LILRB3: variants seen among roughly 807,000 people sequenced by gnomAD.
LILRB3 encodes the protein leukocyte immunoglobulin like receptor B3.
Under a neutral mutation model 68.2 loss-of-function variants are expected in LILRB3, and 32 were observed. The observed-to-expected ratio is 0.47, with a 90% CI of 0.35 to 0.63. The LOEUF (loss-of-function observed/expected upper bound fraction) is 0.63, where lower values mean the gene tolerates loss of function less well. LILRB3 is among the 30% of genes least tolerant of loss of function. The pLI, the probability that LILRB3 is intolerant of heterozygous loss-of-function variation, is 0.00. For missense variants in LILRB3, 502 were observed against 791.3 expected (o/e 0.63, Z 4.39); for synonymous variants, 185 against 323.1 (o/e 0.57, Z 4.58).
At chr19:54,218,607 T>A (rs1285280554) in intron 10 of LILRB3, 38 bp downstream of exon 10, 5 of 1,613,914 alleles carry the variant, frequency 3.1e-6, no homozygotes, top group Non-Finnish European at 4.2e-6. Flanking sequence ...GACTCCTGTC[T>A]CTCCAGCACC....
At chr19:54,219,368 A>C in intron 7 of LILRB3, 123 bp from the exon 8 acceptor site, 3 of 1,462,782 alleles carry the variant, frequency 2.1e-6, no homozygotes, top group Non-Finnish European at 2.8e-6. Flanking sequence ...GCAACATGGA[A>C]TTGCCACCCG....
chr19:54,220,119 G>A (rs1254987302), intron 7 of LILRB3, 36 bp downstream of exon 7: 9 of 1,508,752 alleles, frequency 6.0e-6, no homozygotes, highest in Admixed American at 2.1e-5. Flanking sequence ...CTGCCCTGGG[G>A]GAGGCGGCGC....
chr19:54,218,741 G>A, intron 9 of LILRB3, 22 bp downstream of exon 9: 1 of 1,614,136 alleles, frequency 6.2e-7, no homozygotes. Context: ...GTGGGAGTCT[G>A]TGGTCTTTGG....
At chr19:54,218,836 G>T in exon 9 of LILRB3, 1 of 1,613,900 alleles carries the variant, frequency 6.2e-7, no homozygotes, top group Non-Finnish European at 8.5e-7. Context: ...GTCTTTCTCT[G>T]GTCTGGGTGA....
exon 3 of LILRB3, chr19:54,222,457 T>A: frequency 6.6e-7 from 1 of 1,523,242 alleles, no homozygotes; most frequent in South Asian, 1.1e-5. Context: ...TTTATCCAGT[T>A]GGTACTCCTG....
chr19:54,218,663 C>T lies in LILRB3; in HGVS notation c.1522G>A (p.Val508Ile), dbSNP rs372186200. The change falls in exon 10 of 13, where the codon GTC (valine) becomes ATC (isoleucine). Residue 508 changes from valine to isoleucine, a missense_variant. Physicochemically the swap from Val to Ile is conservative, Grantham distance 29. This residue lies in a region of LILRB3 where 267 missense variants were observed against 245.5 expected (regional missense o/e 1.09). Transcript: ENST00000445347. Reference sequence around the variant, plus strand: ...CTCTTACAGAGGTTTTCTTCCTGGACGTCAGCAGCTGGGCTGGACCTGGAG... The same window carrying T: ...CTCTTACAGAGGTTTTCTTCCTGGATGTCAGCAGCTGGGCTGGACCTGGAG... 35 of 1,614,048 alleles carry T rather than the reference C, an allele frequency of 2.2e-5. No homozygotes were observed. The highest frequency in any genetic ancestry group is 1.6e-4 in the Middle Eastern group (1 of 6,082).
chr19:54,219,431 G>T, intron 7 of LILRB3, 186 bp from the exon 8 acceptor site: 1 of 1,511,838 alleles, frequency 6.6e-7, no homozygotes, highest in South Asian at 1.2e-5. Context: ...GGAGTCGCCT[G>T]CCCCAGGCCT....
rs1265702000 is a variant in LILRB3, at chr19:54,219,520, C to T, written c.1310-275G>A. On this transcript the variant is annotated intron_variant, in intron 7 of 12. Transcript: ENST00000445347. ...CCTTGTTCCTGCACCAGAGCCGAGACCCGGAGCTGCAGGGAAAGAGCCTGA... is the reference window on the plus strand; with the variant it reads ...CCTTGTTCCTGCACCAGAGCCGAGATCCGGAGCTGCAGGGAAAGAGCCTGA... 6 of 1,550,274 alleles carry T rather than the reference C, an allele frequency of 3.9e-6. No individual in the cohort carries two copies. In the Admixed American group the frequency reaches 5.9e-5, roughly 15 times the overall value.
At chr19:54,219,831 G>A (rs1183991269) in intron 7 of LILRB3, 2 of 1,536,402 alleles carry the variant, frequency 1.3e-6, no homozygotes, top group Middle Eastern at 1.7e-4. Context: ...TGCCTCCCCT[G>A]GACCCCGCCC....
intron 7 of LILRB3, chr19:54,219,587 T>C: frequency 1.3e-6 from 2 of 1,546,168 alleles, no homozygotes; most frequent in Non-Finnish European, 8.7e-7. Flanking sequence ...CTGCCCCAGG[T>C]CACCGTCACT....
chr19:54,219,627 G>A (rs2077881756), intron 7 of LILRB3: 15 of 1,514,440 alleles, frequency 9.9e-6, no homozygotes, highest in Middle Eastern at 2.3e-4. Flanking sequence ...AGGCCCCTGT[G>A]GAATCGGGTC....
chr19:54,222,736 G>C lies in LILRB3; in HGVS notation c.70+11C>G. On this transcript the variant is annotated intron_variant, in intron 2 of 12. Coordinates refer to ENST00000445347, the Ensembl canonical transcript of LILRB3. The stretch of plus-strand genomic sequence containing the variant: ...GGAGTAGGGACCTGGGACAGCTGGG[G>C]ACAGACTCACCTGCCTGCATGCGGG... 6 of 1,612,578 alleles carry C rather than the reference G, an allele frequency of 3.7e-6. No individual in the cohort carries two copies. Among genetic ancestry groups the C allele is most frequent in the Non-Finnish European group, 5.1e-6 (6 of 1,179,874 alleles).
At chr19:54,222,630 A>C in intron 2 of LILRB3, 68 bp from the exon 3 acceptor site, 1 of 1,611,676 alleles carries the variant, frequency 6.2e-7, no homozygotes, top group Non-Finnish European at 8.5e-7. Flanking sequence ...CAGCCCCAGG[A>C]CTTCCCCATC....
chr19:54,221,653 G>C, intron 4 of LILRB3, 175 bp downstream of exon 4: 6 of 1,586,488 alleles, frequency 3.8e-6, no homozygotes, highest in Non-Finnish European at 5.1e-6. Context: ...CCAGGTGAAC[G>C]TGGTCAAGGG....
intron 11 of LILRB3, among the ~76,000 whole-genome samples, chr19:54,218,017 C>T (rs1278984326): frequency 6.9e-6 from 1 of 144,238 alleles, no homozygotes; most frequent in Non-Finnish European, 1.5e-5. Context: ...GAGCCCCATC[C>T]ACAGTGAGCT....
intron 7 of LILRB3, chr19:54,219,453 G>A: frequency 6.5e-7 from 1 of 1,537,532 alleles, no homozygotes; most frequent in South Asian, 1.2e-5. Flanking sequence ...CAGCGAGGAA[G>A]CGGCAGAGCT....
At chr19:54,219,464 G>A (rs1360449755) in intron 7 of LILRB3, 1 of 1,543,906 alleles carries the variant, frequency 6.5e-7, no homozygotes, top group Non-Finnish European at 8.8e-7. Context: ...CGGCAGAGCT[G>A]GGAAGGGAGC....
chr19:54,220,770 T>A, exon 6 of LILRB3: 5 of 1,521,150 alleles, frequency 3.3e-6, no homozygotes, highest in Middle Eastern at 1.7e-4. Context: ...GGTCATGTTC[T>A]CTCCTGAGGC....
At chr19:54,222,696 C>T (rs1230270184) in intron 2 of LILRB3, 51 bp downstream of exon 2, 4 of 1,612,400 alleles carry the variant, frequency 2.5e-6, no homozygotes, top group Admixed American at 1.7e-5. Context: ...CATGGGTGGC[C>T]CCCTGTCCCA....
Sources: allele counts gnomAD v4.1 joint callset (sites outside exome capture counted in the v4.1 genomes callset), GRCh38; gene constraint gnomAD v4.1.1; regional missense constraint gnomAD v4.1.1; transcripts MANE v1.5; gene names NCBI Gene and HGNC (gene_info 2026-07-23, HGNC 2026-07-21).